The following ZNF736 variants were observed in gnomAD, a reference collection of about 807,000 sequenced individuals.
ZNF736 encodes the protein KRAB-containing zinc-finger repressor protein.
In ZNF736, 6 loss-of-function variants were observed where a neutral mutation model predicts 11.7. The ratio of observed to expected loss-of-function variants is 0.51; its 90% confidence interval spans 0.28 to 1.01. ZNF736 has a LOEUF of 1.01. Among genes scored for constraint, ZNF736 ranks in the 50% least tolerant of loss-of-function variants. The probability of loss-of-function intolerance (pLI) is 0.09; values close to 1 mark genes in which losing one functional copy is unlikely to be tolerated. For missense variants in ZNF736, 444 were observed against 496.0 expected (o/e 0.90, Z 1.00); for synonymous variants, 139 against 164.7 (o/e 0.84, Z 1.19).
chr7:64,345,317 C>T (rs1789395119), intron 3 of ZNF736, among the ~76,000 whole-genome samples: 2 of 151,650 alleles, frequency 1.3e-5, no homozygotes, highest in African/African-American at 4.8e-5. Context: ...CCACTGTGCC[C>T]GGCCAGGAAA....
intron 1 of ZNF736, among the ~76,000 whole-genome samples, chr7:64,322,122 A>G: frequency 6.6e-6 from 1 of 151,992 alleles, no homozygotes. Context: ...TTTTTTTCCA[A>G]GAAATGTCCA....
intron 1 of ZNF736, among the ~76,000 whole-genome samples, chr7:64,330,556 A>C (rs1264512678): frequency 6.6e-6 from 1 of 151,892 alleles, no homozygotes; most frequent in Admixed American, 6.6e-5. Flanking sequence ...TGTTACGGCT[A>C]CCCCACTATG....
intron 1 of ZNF736, among the ~76,000 whole-genome samples, chr7:64,333,720 CA>C (rs1490198578): frequency 2.6e-5 from 4 of 151,992 alleles, no homozygotes; most frequent in Non-Finnish European, 5.9e-5. Flanking sequence ...CAATACTACC[CA>C]AAGTAATTTA....
In ZNF736 at chr7:64,348,199, T is replaced by C; in HGVS notation, c.336T>C (p.His112=). ...KYGSCDLNNL[H]LKKDYQSVGN... is the part of the protein sequence containing the mutation. ...GAAGCTGTGACCTTAATAATTTACATTTAAAGAAAGACTACCAAAGTGTGG... is the reference window on the plus strand; with the variant it reads ...GAAGCTGTGACCTTAATAATTTACACTTAAAGAAAGACTACCAAAGTGTGG... Residue 112 remains histidine (H), a synonymous_variant, in exon 4 of 4, where the codon CAT becomes CAC. Transcript: ENST00000423484. The C allele has an allele frequency of 1.3e-6, 2 of 1,551,614 alleles. No homozygotes were observed. Among genetic ancestry groups the C allele is most frequent in the South Asian group, 2.4e-5 (2 of 83,994 alleles).
At chr7:64,342,544 C>T (rs1404542008) in intron 3 of ZNF736, among the ~76,000 whole-genome samples, 6 of 152,000 alleles carry the variant, frequency 3.9e-5, no homozygotes, top group Admixed American at 3.9e-4. Context: ...ACATAATAAA[C>T]ATAATAAATT....
intron 1 of ZNF736, among the ~76,000 whole-genome samples, chr7:64,332,730 T>TCC (rs901410382): frequency 1.3e-5 from 2 of 151,884 alleles, no homozygotes; most frequent in East Asian, 3.9e-4. Flanking sequence ...TTTATAGACC[T>TCC]CCCCCCAGGA....
At position 64,337,756 on chromosome 7, in the gene ZNF736, G is replaced by GTTT. The variant is rs569147961; in HGVS notation, c.226+787_226+789dup. Reference sequence around the variant, plus strand: ...GTTTTGTTTTGTTTTGTTTTTTTTGGTTTTTTTTTTTTTTTGAGACAGAGT... The same window carrying GTTT: ...GTTTTGTTTTGTTTTGTTTTTTTTGGTTTTTTTTTTTTTTTTTTGAGACAGAGT... On this transcript the variant is annotated intron_variant, in intron 3 of 3. Coordinates refer to ENST00000423484, the MANE Select transcript of ZNF736 (RefSeq NM_001170905.3). Among the ~76,000 whole-genome samples the GTTT allele has an allele frequency of 2.6e-3, 293 of 112,442 alleles. 5 individuals are homozygous for GTTT. The highest frequency in any genetic ancestry group is 0.016 in the South Asian group (66 of 4,192). The allele number at this position is 112,442 out of a possible 152,430, so 73.8% of individuals were successfully genotyped here.
At chr7:64,317,052 G>A (rs1459302025) in intron 1 of ZNF736, among the ~76,000 whole-genome samples, 1 of 152,186 alleles carries the variant, frequency 6.6e-6, no homozygotes, top group Non-Finnish European at 1.5e-5. Context: ...TCTCTCTTGT[G>A]CAGGGTGGAG....
At chr7:64,332,877 G>C (rs1190604448) in intron 1 of ZNF736, among the ~76,000 whole-genome samples, 2 of 152,080 alleles carry the variant, frequency 1.3e-5, no homozygotes, top group African/African-American at 4.8e-5. Context: ...CGACCCCGCA[G>C]GTACTCAGAC....
In ZNF736 at chr7:64,343,268, C is replaced by G. The variant is rs548359092; in HGVS notation, c.227-4822C>G. Among the ~76,000 whole-genome samples, 55 of 152,250 alleles carry G rather than the reference C, an allele frequency of 3.6e-4. 1 individual carries two copies. The South Asian group carries it at 0.01, about 28-fold the overall frequency. ...TGTGTTCTTTGTAGCAACACTGATG[C>G]AGCTGAAAGCCCTTATCTTAAGTAA... is the stretch of plus-strand genomic sequence containing the variant. On this transcript the variant is annotated intron_variant, in intron 3 of 3. Transcript: ENST00000423484.
intron 1 of ZNF736, among the ~76,000 whole-genome samples, chr7:64,321,889 G>A (rs1357312923): frequency 6.6e-6 from 1 of 152,192 alleles, no homozygotes; most frequent in African/African-American, 2.4e-5. Flanking sequence ...AGACTCAGAT[G>A]CATGTTACCT....
rs1554304627 is a variant in ZNF736 at position 64,337,761 on chromosome 7, T to TTTTG, written c.226+782_226+783insGTTT. Among the ~76,000 whole-genome samples the TTTTG allele has an allele frequency of 3.8e-3, 507 of 134,472 alleles. 13 individuals carry two copies. Among genetic ancestry groups the TTTTG allele is most frequent in the Middle Eastern group, 7.7e-3 (2 of 260 alleles). 88.2% of individuals were successfully genotyped at this position (134,472 alleles called of 152,430 possible). A position where few individuals can be genotyped will look rare whatever the true frequency, so the allele number is the denominator to read the frequency against. On this transcript the variant is annotated intron_variant, in intron 3 of 3. Transcript: ENST00000423484. Reference sequence around the variant, plus strand: ...GTTTTGTTTTGTTTTTTTTGGTTTTTTTTTTTTTTTGAGACAGAGTTTTGC... The same window carrying TTTTG: ...GTTTTGTTTTGTTTTTTTTGGTTTTTTTTGTTTTTTTTTTGAGACAGAGTTTTGC...
At chr7:64,344,151 A>G (rs1789377913) in intron 3 of ZNF736, among the ~76,000 whole-genome samples, 1 of 152,086 alleles carries the variant, frequency 6.6e-6, no homozygotes, top group Admixed American at 6.5e-5. Context: ...AAAAATATAA[A>G]ATTAGCCAAG....
At chr7:64,318,974 C>T (rs1004530696) in intron 1 of ZNF736, among the ~76,000 whole-genome samples, 2 of 152,108 alleles carry the variant, frequency 1.3e-5, no homozygotes, top group Admixed American at 6.6e-5. Context: ...CAAGGGGTCT[C>T]AGGCTGCTAG....
At chr7:64,322,854 G>C (rs1343358031) in intron 1 of ZNF736, among the ~76,000 whole-genome samples, 1 of 152,080 alleles carries the variant, frequency 6.6e-6, no homozygotes, top group Non-Finnish European at 1.5e-5. Context: ...TAGTTTAATA[G>C]GACCATCAAC....
At position 64,348,174 on chromosome 7, in the gene ZNF736, G is replaced by T; in HGVS notation, c.311G>T (p.Gly104Val). The T allele has an allele frequency of 1.3e-6, 2 of 1,550,504 alleles. No individual in the cohort carries two copies. Among genetic ancestry groups the T allele is most frequent in the Non-Finnish European group, 1.7e-6 (2 of 1,146,654 alleles). Residue 104 changes from glycine (G) to valine (V), a missense_variant, in exon 4 of 4, where the codon GGA (glycine) becomes GTA (valine). By Grantham distance (109) the Gly-to-Val change is moderately radical. Transcript: ENST00000423484. ...CAAAAAGTGATTCTGAGAAAATATG[G>T]AAGCTGTGACCTTAATAATTTACAT... is the stretch of plus-strand genomic sequence containing the variant. ...SFQKVILRKY[G>V]SCDLNNLHLK... is the part of the protein sequence containing the mutation.
chr7:64,327,193 A>G (rs12334247), intron 1 of ZNF736, among the ~76,000 whole-genome samples: 13,631 of 152,144 alleles, frequency 0.09, 999 homozygotes, highest in African/African-American at 0.2. Flanking sequence ...TTTGCTTCAT[A>G]TATCTGAGTT....
At chr7:64,324,979 C>T (rs1429298901) in intron 1 of ZNF736, among the ~76,000 whole-genome samples, 1 of 152,198 alleles carries the variant, frequency 6.6e-6, no homozygotes, top group Non-Finnish European at 1.5e-5. Context: ...ATGGATTACA[C>T]CTACTTCTAC....
chr7:64,331,770 A>G (rs1789170791), intron 1 of ZNF736, among the ~76,000 whole-genome samples: 1 of 152,118 alleles, frequency 6.6e-6, no homozygotes, highest in African/African-American at 2.4e-5. Context: ...GATCATAGAG[A>G]CTGCTCTGCT....
Sources: gnomAD v4.1 joint callset for allele counts (sites outside exome capture counted in the v4.1 genomes callset) on GRCh38, gnomAD v4.1.1 for gene constraint, MANE v1.5 for transcripts, NCBI Gene and HGNC (gene_info 2026-07-23, HGNC 2026-07-21) for gene names.